Variants in MTBP observed in about 807,000 individuals in gnomAD.
The protein encoded by MTBP is mdm2-binding protein.
Under a neutral mutation model 117.0 loss-of-function variants are expected in MTBP, and 101 were observed. The ratio of observed to expected loss-of-function variants is 0.86; its 90% confidence interval spans 0.73 to 1.02. MTBP has a LOEUF of 1.02. Ranked by LOEUF, MTBP falls within the 50% of genes least tolerant of loss-of-function variation. The pLI is 0.00. For synonymous variants in MTBP, 350 were observed against 351.5 expected, an observed-to-expected ratio of 1.00 and a Z score of 0.05; for missense variants, 970 against 1,030.9, an observed-to-expected ratio of 0.94 and a Z score of 0.81.
At chr8:120,446,567 AC>A in intron 2 of MTBP, 54 bp downstream of exon 2, 11 of 1,108,882 alleles carry the variant, frequency 9.9e-6, no homozygotes, top group Non-Finnish European at 1.4e-5. Flanking sequence ...CTGGAAATTA[AC>A]TTAATTAATT....
Position 120,497,559 on chromosome 8 carries a change from G to T in MTBP, c.1609+5G>T. ...AAACCTTCAATATATTAAATGGTAA[G>T]TTTTTTATTACTTTAAATTTTAGTT... On this transcript the variant is annotated splice_donor_5th_base_variant and intron_variant, in intron 14 of 21. Transcript: ENST00000305949. 1 of 1,417,140 alleles carries T rather than the reference G, an allele frequency of 7.1e-7. No individual in the cohort carries two copies. The highest frequency in any genetic ancestry group is 9.5e-7 in the Non-Finnish European group (1 of 1,047,518). 87.8% of individuals were successfully genotyped at this position (1,417,140 alleles called of 1,614,324 possible). A position where few individuals can be genotyped will look rare whatever the true frequency, so the allele number is the denominator to read the frequency against.
At chr8:120,521,475 C>CGTTCTCCCTAACATCA (rs769828990) in intron 20 of MTBP, among the ~76,000 whole-genome samples, 5 of 152,244 alleles carry the variant, frequency 3.3e-5, no homozygotes, top group African/African-American at 1.2e-4. Flanking sequence ...CCATCCATGA[C>CGTTCTCCCTAACATCA]GTTCTCCCTA....
At chr8:120,493,219 G>C (rs1298046489) in intron 13 of MTBP, among the ~76,000 whole-genome samples, 2 of 152,028 alleles carry the variant, frequency 1.3e-5, no homozygotes, top group Admixed American at 6.6e-5. Context: ...CTCATTTTTA[G>C]ACTTTAGTCC....
chr8:120,498,036 T>C (rs1324043693), intron 14 of MTBP, among the ~76,000 whole-genome samples: 2 of 152,230 alleles, frequency 1.3e-5, no homozygotes, highest in African/African-American at 4.8e-5. Flanking sequence ...TGTATTTCTT[T>C]CCGCTTTCCT....
chr8:120,493,300 T>C (rs1028962750), intron 13 of MTBP, among the ~76,000 whole-genome samples: 3 of 152,208 alleles, frequency 2.0e-5, no homozygotes, highest in African/African-American at 7.2e-5. Flanking sequence ...ATGTTTTACC[T>C]AGGTAAATTA....
chr8:120,472,873 G>A (rs1321474884), intron 11 of MTBP: 3 of 152,190 alleles, frequency 2.0e-5, no homozygotes, highest in Non-Finnish European at 4.4e-5. Context: ...GTGCCTGTAA[G>A]TTAGGAATGT....
chr8:120,450,955 C>G (rs1201809142), intron 2 of MTBP, 48 bp from the exon 3 acceptor site: 5 of 1,363,618 alleles, frequency 3.7e-6, no homozygotes, highest in Non-Finnish European at 5.2e-6. Flanking sequence ...GTGTCATCTG[C>G]TTATTTATGG....
chr8:120,451,616 T>C (rs1006116240), intron 4 of MTBP: 3 of 290,400 alleles, frequency 1.0e-5, no homozygotes, highest in East Asian at 8.8e-5. Context: ...AGGGTCTTGC[T>C]GTGTCACCCA....
At chr8:120,487,344 T>C (rs141100067) in intron 11 of MTBP, among the ~76,000 whole-genome samples, 15 of 152,328 alleles carry the variant, frequency 9.8e-5, no homozygotes, top group Non-Finnish European at 1.9e-4. Flanking sequence ...TTTTCTCAGC[T>C]CCTTAGCAGT....
At chr8:120,480,921 A>T (rs551807690) in intron 11 of MTBP, among the ~76,000 whole-genome samples, 1 of 152,308 alleles carries the variant, frequency 6.6e-6, no homozygotes, top group African/African-American at 2.4e-5. Context: ...CTACTTAAAG[A>T]AAATAGTTCC....
At chr8:120,509,010 G>C (rs1305821619) in intron 16 of MTBP, among the ~76,000 whole-genome samples, 1 of 152,016 alleles carries the variant, frequency 6.6e-6, no homozygotes, top group African/African-American at 2.4e-5. Context: ...ATGTAAACTC[G>C]ACATATGATT....
chr8:120,488,220 C>T lies in MTBP; in HGVS notation c.1227C>T (p.Gly409=). The T allele has an allele frequency of 6.3e-7, 1 of 1,596,312 alleles. No homozygotes were observed. Among genetic ancestry groups the T allele is most frequent in the Non-Finnish European group, 8.5e-7 (1 of 1,173,610 alleles). ...ATTATCTCTTGTTACAAGGTAATGGCAATAGAAGATGTAAAGCCACATTGA... is the reference window on the plus strand; with the variant it reads ...ATTATCTCTTGTTACAAGGTAATGGTAATAGAAGATGTAAAGCCACATTGA... ...SSYYLLLQGN[G]NRRCKATLIH... Residue 409 remains glycine, a synonymous_variant, in exon 12 of 22, where the codon GGC becomes GGT. Coordinates refer to ENST00000305949, the MANE Select transcript of MTBP (RefSeq NM_022045.5).
rs745761833 is a variant in MTBP, at chr8:120,445,501, G to C, written c.31G>C (p.Gly11Arg). 13 of 1,613,462 alleles carry C rather than the reference G, an allele frequency of 8.1e-6. No homozygotes were observed. The highest frequency in any genetic ancestry group is 1.7e-5 in the Admixed American group (1 of 59,950). MDRYLLLVIW[G>R]EGKFPSAASR... is the part of the protein sequence containing the mutation. ...TCGGTACCTGCTGCTGGTGATCTGG[G>C]GGGAAGGAAAATTCCCGTCGGCGGC... Residue 11 changes from glycine to arginine, a missense_variant, in exon 1 of 22, where the codon GGG becomes CGG. Coordinates refer to ENST00000305949, the MANE Select transcript of MTBP (RefSeq NM_022045.5).
chr8:120,466,718 C>G (rs1813702059), intron 10 of MTBP, among the ~76,000 whole-genome samples: 1 of 151,296 alleles, frequency 6.6e-6, no homozygotes, highest in Admixed American at 6.6e-5. Flanking sequence ...ACTAAAAATA[C>G]AAAAAATTAG....
chr8:120,450,413 G>A (rs943799234), intron 2 of MTBP, among the ~76,000 whole-genome samples: 1 of 152,156 alleles, frequency 6.6e-6, no homozygotes, highest in African/African-American at 2.4e-5. Flanking sequence ...TTAAGCCTCA[G>A]TTACCTTTCT....
chr8:120,511,124 A>G (rs1563805175), intron 17 of MTBP, among the ~76,000 whole-genome samples: 1 of 152,142 alleles, frequency 6.6e-6, no homozygotes, highest in Non-Finnish European at 1.5e-5. Context: ...CACCCGATCC[A>G]TGTTTTTAGT....
chr8:120,500,956 C>T (rs1271725538), intron 14 of MTBP, among the ~76,000 whole-genome samples: 1 of 151,954 alleles, frequency 6.6e-6, no homozygotes, highest in Non-Finnish European at 1.5e-5. Context: ...CTTTGGGAGG[C>T]CGAGGTGGGT....
intron 11 of MTBP, among the ~76,000 whole-genome samples, chr8:120,487,635 A>G (rs1283401615): frequency 6.6e-6 from 1 of 152,350 alleles, no homozygotes; most frequent in African/African-American, 2.4e-5. Context: ...TTTAAAATAT[A>G]CTAGACGCTG....
In MTBP at chr8:120,456,659, T is replaced by C. The variant is rs139138361; in HGVS notation, c.736T>C (p.Trp246Arg). The C allele has an allele frequency of 2.3e-4, 357 of 1,558,812 alleles. 3 individuals carry two copies. The highest frequency in any genetic ancestry group is 7.3e-5 in the Non-Finnish European group (83 of 1,137,630). ...ATTATGGAGGGGGAAAATACAGATA[T>C]GGGAAAGAAAGGTAAATGGATTATT... ...KELWRGKIQIWERKFGFEISF... is the reference protein window; with the variant it reads ...KELWRGKIQIRERKFGFEISF... The change falls in exon 7 of 22, where the codon TGG (tryptophan) becomes CGG (arginine). Residue 246 changes from tryptophan (W) to arginine (R), a missense_variant. Transcript: ENST00000305949.
Sources: gnomAD v4.1 joint callset for allele counts (sites outside exome capture counted in the v4.1 genomes callset) on GRCh38, gnomAD v4.1.1 for gene constraint, MANE v1.5 for transcripts, NCBI Gene and HGNC (gene_info 2026-07-23, HGNC 2026-07-21) for gene names.